The following ZNF487 variants were observed in gnomAD, a reference collection of about 807,000 sequenced individuals.
The protein encoded by ZNF487 is zinc finger protein 487.
In ZNF487, 4 loss-of-function variants were observed where a neutral mutation model predicts 3.0. The observed-to-expected ratio is 1.35, with a 90% CI of 0.66 to 3.08. The LOEUF (loss-of-function observed/expected upper bound fraction) is 3.08, where lower values mean the gene tolerates loss of function less well. ZNF487 is among the 30% of genes most tolerant of loss of function. The pLI is 0.01. For synonymous variants in ZNF487, 55 were observed against 34.6 expected, an observed-to-expected ratio of 1.59 and a Z score of -2.06; for missense variants, 146 against 98.7, an observed-to-expected ratio of 1.48 and a Z score of -2.03.
At chr10:43,515,597 C>A in the ZNF487 span, among the ~76,000 whole-genome samples, 1 of 152,212 alleles carries the variant, frequency 6.6e-6, no homozygotes, top group Non-Finnish European at 1.5e-5. Flanking sequence ...GCAATAGATA[C>A]CTAGCGTGGC....
chr10:43,487,909 A>C (rs1841483524), downstream of ZNF487, among the ~76,000 whole-genome samples: 1 of 131,672 alleles, frequency 7.6e-6, no homozygotes, highest in Non-Finnish European at 1.6e-5. Context: ...ACTTGGCAAA[A>C]CTCCGCCTCT....
At chr10:43,446,185 C>G (rs1291131612) in intron 1 of ZNF487, among the ~76,000 whole-genome samples, 2 of 152,216 alleles carry the variant, frequency 1.3e-5, no homozygotes, top group Non-Finnish European at 2.9e-5. Flanking sequence ...TCTCAATGAG[C>G]TGTTGGGTAC....
At chr10:43,495,892 T>C in the ZNF487 span, 2 of 414,648 alleles carry the variant, frequency 4.8e-6, no homozygotes. Flanking sequence ...AAGGACAGAG[T>C]AGGTATGCTG....
chr10:43,450,843 C>T (rs1211489144), intron 1 of ZNF487, among the ~76,000 whole-genome samples: 1 of 152,138 alleles, frequency 6.6e-6, no homozygotes, highest in East Asian at 1.9e-4. Flanking sequence ...ATCTCTATTT[C>T]CTCGTCTCTA....
chr10:43,462,957 A>T (rs1446694556), intron 1 of ZNF487, among the ~76,000 whole-genome samples: 1 of 149,560 alleles, frequency 6.7e-6, no homozygotes, highest in Non-Finnish European at 1.5e-5. Context: ...TTTTTTGGCC[A>T]GGTGCGGTGG....
At chr10:43,465,470 A>G (rs1169381830) in intron 1 of ZNF487, among the ~76,000 whole-genome samples, 2 of 140,712 alleles carry the variant, frequency 1.4e-5, no homozygotes, top group Non-Finnish European at 3.1e-5. Context: ...CGCTTCTCAG[A>G]CGGGGCGGCC....
intron 1 of ZNF487, among the ~76,000 whole-genome samples, chr10:43,461,974 TCA>T (rs1402926793): frequency 1.3e-5 from 2 of 152,196 alleles, no homozygotes; most frequent in Admixed American, 6.5e-5. Flanking sequence ...CAAAAATTGT[TCA>T]CAGTTTACTT....
rs537494789 is a variant in ZNF487, at chr10:43,462,776, T to C, written c.-93-12945T>C. Among the ~76,000 whole-genome samples the C allele has an allele frequency of 5.3e-5, 8 of 151,232 alleles. No individual in the cohort carries two copies. In the East Asian group the frequency reaches 1.6e-3, roughly 29 times the overall value. ...GCCTTTTTTTTTTCTTTCTTTTTTT[T>C]TTTATAAATAGAGATAGGGGTCTCA... On this transcript the variant is annotated intron_variant, in intron 1 of 3. Transcript: ENST00000437590.
the ZNF487 span, among the ~76,000 whole-genome samples, chr10:43,511,336 A>G: frequency 6.6e-6 from 1 of 152,196 alleles, no homozygotes; most frequent in South Asian, 2.1e-4. Context: ...TTAGCCATAA[A>G]GTAAGCACCT....
the ZNF487 span, among the ~76,000 whole-genome samples, chr10:43,508,651 A>G: frequency 6.6e-6 from 1 of 152,128 alleles, no homozygotes; most frequent in Non-Finnish European, 1.5e-5. Flanking sequence ...TCTACTAAAA[A>G]TACAAAAATA....
intron 1 of ZNF487, among the ~76,000 whole-genome samples, chr10:43,448,308 C>T (rs888221661): frequency 7.2e-5 from 11 of 151,892 alleles, no homozygotes; most frequent in African/African-American, 2.7e-4. Context: ...CCATTTTTGT[C>T]CTTACGTTTT....
intron 1 of ZNF487, among the ~76,000 whole-genome samples, chr10:43,472,391 C>T (rs1330119049): frequency 6.6e-6 from 1 of 152,104 alleles, no homozygotes. Flanking sequence ...TTGTCTTACA[C>T]ATCTTATTTG....
intron 3 of ZNF487, among the ~76,000 whole-genome samples, chr10:43,479,135 A>G (rs1413492599): frequency 6.6e-6 from 1 of 150,938 alleles, no homozygotes; most frequent in Non-Finnish European, 1.5e-5. Flanking sequence ...GTATATATAT[A>G]TATAAATTTG....
chr10:43,517,298 T>C, the ZNF487 span, among the ~76,000 whole-genome samples: 2 of 152,362 alleles, frequency 1.3e-5, no homozygotes, highest in East Asian at 3.9e-4. Context: ...ACAAATATCT[T>C]TCAGTCCTCT....
the ZNF487 span, among the ~76,000 whole-genome samples, chr10:43,505,268 G>T: frequency 7.4e-6 from 1 of 136,004 alleles, no homozygotes; most frequent in African/African-American, 2.8e-5. Flanking sequence ...TCCCCCTTAA[G>T]TTATTATGTC....
chr10:43,442,503 G>T (rs569125635), intron 1 of ZNF487, among the ~76,000 whole-genome samples: 1 of 152,110 alleles, frequency 6.6e-6, no homozygotes, highest in African/African-American at 2.4e-5. Flanking sequence ...GAGTGCAGTG[G>T]CACGATCTCG....
chr10:43,442,755 T>C (rs1281993101), intron 1 of ZNF487, among the ~76,000 whole-genome samples: 2 of 152,192 alleles, frequency 1.3e-5, no homozygotes, highest in African/African-American at 4.8e-5. Flanking sequence ...GGAATTATTT[T>C]ATAAGCATTT....
rs537683397 is a variant in ZNF487, at chr10:43,443,366, GTTTTTGTTTTTGTTT to G, written c.-94+6110_-94+6124del. On this transcript the variant is annotated intron_variant, in intron 1 of 3. Coordinates refer to ENST00000437590, the MANE Select transcript of ZNF487 (RefSeq NM_001355444.3). Reference sequence around the variant, plus strand: ...GGCCTGAGCTATCCTGCTGGGCCTAGTTTTTGTTTTTGTTTTTTTTTTTTTGAGATGGAGTCTTGC... The same window carrying G: ...GGCCTGAGCTATCCTGCTGGGCCTAGTTTTTTTTTTGAGATGGAGTCTTGC... 4.9e-3 allele frequency among the ~76,000 whole-genome samples: 708 copies of G among 144,816 alleles called. 7 individuals carry two copies. Among genetic ancestry groups the G allele is most frequent in the African/African-American group, 0.017 (683 of 39,412 alleles).
At chr10:43,485,721 CAT>C (rs1321874651), downstream of ZNF487, among the ~76,000 whole-genome samples, 4 of 152,186 alleles carry the variant, frequency 2.6e-5, no homozygotes, top group Non-Finnish European at 4.4e-5. Context: ...TCATAAGTCA[CAT>C]AGTAACATTT....
Sources: allele counts gnomAD v4.1 joint callset (sites outside exome capture counted in the v4.1 genomes callset), GRCh38; gene constraint gnomAD v4.1.1; transcripts MANE v1.5; gene names NCBI Gene and HGNC (gene_info 2026-07-23, HGNC 2026-07-21).